The following NRXN3 variants were observed in gnomAD, a reference collection of about 807,000 sequenced individuals.
NRXN3 encodes the protein neurexin 3.
Under a neutral mutation model 137.6 loss-of-function variants are expected in NRXN3, and 32 were observed. The ratio of observed to expected loss-of-function variants is 0.23; its 90% CI spans 0.18 to 0.31. The LOEUF (loss-of-function observed/expected upper bound fraction) is 0.31, where lower values mean the gene tolerates loss of function less well. Ranked by LOEUF, NRXN3 falls within the 10% of genes least tolerant of loss-of-function variation. NRXN3 has a pLI of 1.00. For synonymous variants in NRXN3, 798 were observed against 784.5 expected, an observed-to-expected ratio of 1.02 and a Z score of -0.29; for missense variants, 1,574 against 2,062.5, an observed-to-expected ratio of 0.76 and a Z score of 4.59.
At chr14:79,835,605 T>C (rs953389965) in intron 20 of NRXN3, among the ~76,000 whole-genome samples, 5 of 152,162 alleles carry the variant, frequency 3.3e-5, no homozygotes, top group African/African-American at 1.2e-4. Flanking sequence ...TTTGGCAGTC[T>C]TTGTTTCCAG....
chr14:79,708,185 T>C (rs940464400), intron 19 of NRXN3, among the ~76,000 whole-genome samples: 4 of 152,182 alleles, frequency 2.6e-5, no homozygotes, highest in Admixed American at 6.5e-5. Context: ...GTACTGAACA[T>C]GTACAGACTT....
intron 15 of NRXN3, among the ~76,000 whole-genome samples, chr14:79,042,147 T>C (rs2152536678): frequency 6.6e-6 from 1 of 152,300 alleles, no homozygotes; most frequent in East Asian, 1.9e-4. Context: ...GGGTAGCTGC[T>C]CTTTGAAAGA....
At position 78,491,098 on chromosome 14, in the gene NRXN3, C is replaced by T. The variant is rs554547785; in HGVS notation, c.758-154022C>T. On this transcript the variant is annotated intron_variant, in intron 4 of 20. Coordinates refer to ENST00000335750, the MANE Select transcript of NRXN3 (RefSeq NM_001330195.2). ...TCCCCTTGGACCTGCTGCTGCCGGT[C>T]GGCTGGGAAGAGTTATAAAGAAGAA... is the stretch of plus-strand genomic sequence containing the variant. 3.3e-5 allele frequency among the ~76,000 whole-genome samples: 5 copies of T among 152,178 alleles called. No homozygotes were observed. The East Asian group carries it at 5.8e-4, about 18-fold the overall frequency.
At chr14:79,634,278 G>A (rs903852457) in intron 16 of NRXN3, among the ~76,000 whole-genome samples, 3 of 151,866 alleles carry the variant, frequency 2.0e-5, no homozygotes, top group Non-Finnish European at 2.9e-5. Context: ...GTCGAGAGAC[G>A]GGCTAGTCCA....
intron 20 of NRXN3, among the ~76,000 whole-genome samples, chr14:79,858,425 G>A (rs2099407374): frequency 6.6e-6 from 1 of 151,994 alleles, no homozygotes; most frequent in Non-Finnish European, 1.5e-5. Flanking sequence ...CCACTTAAAG[G>A]GACACTAGCC....
intron 16 of NRXN3, among the ~76,000 whole-genome samples, chr14:79,611,250 G>C (rs761037570): frequency 2.0e-5 from 3 of 152,192 alleles, no homozygotes; most frequent in Non-Finnish European, 4.4e-5. Context: ...TGTTAAGTGA[G>C]AAAGGTAAGG....
At chr14:79,828,016 CG>C in intron 20 of NRXN3, among the ~76,000 whole-genome samples, 1 of 152,112 alleles carries the variant, frequency 6.6e-6, no homozygotes, top group Middle Eastern at 3.4e-3. Context: ...TTTATATGAC[CG>C]GATCTCACTG....
chr14:79,354,561 T>A (rs186429392), intron 15 of NRXN3, among the ~76,000 whole-genome samples: 17 of 152,306 alleles, frequency 1.1e-4, no homozygotes, highest in African/African-American at 4.1e-4. Flanking sequence ...CATGCCTGTA[T>A]GCATGTACAT....
chr14:78,918,214 G>C (rs2152812555), intron 10 of NRXN3, among the ~76,000 whole-genome samples: 1 of 147,460 alleles, frequency 6.8e-6, no homozygotes, highest in Non-Finnish European at 1.5e-5. Context: ...GAACCTGGGA[G>C]GCAGAGGTTG....
intron 16 of NRXN3, among the ~76,000 whole-genome samples, chr14:79,577,619 G>A (rs1441617601): frequency 6.6e-6 from 1 of 152,164 alleles, no homozygotes; most frequent in Non-Finnish European, 1.5e-5. Context: ...ATGTATATGT[G>A]TGTGTTTGCA....
At chr14:79,189,596 C>T (rs1376381870) in intron 15 of NRXN3, among the ~76,000 whole-genome samples, 1 of 151,768 alleles carries the variant, frequency 6.6e-6, no homozygotes, top group Non-Finnish European at 1.5e-5. Context: ...TTTCACTGTT[C>T]TGCCCAACAC....
intron 15 of NRXN3, among the ~76,000 whole-genome samples, chr14:79,041,329 G>A (rs1288796739): frequency 6.6e-6 from 1 of 152,152 alleles, no homozygotes; most frequent in Non-Finnish European, 1.5e-5. Context: ...CATAGAGATA[G>A]TAGCTGAGTT....
chr14:79,094,977 A>AGTGTGTGTGTGTGTGTGTGT (rs1409965478), intron 15 of NRXN3, among the ~76,000 whole-genome samples: 1 of 99,526 alleles, frequency 1.0e-5, no homozygotes, highest in African/African-American at 3.2e-5. Flanking sequence ...AGAGAGAGAG[A>AGTGTGTGTGTGTGTGTGTGT]GAGTGTGTGT....
intron 1 of NRXN3, among the ~76,000 whole-genome samples, chr14:78,204,306 G>A (rs2153400575): frequency 6.6e-6 from 1 of 152,030 alleles, no homozygotes; most frequent in African/African-American, 2.4e-5. Context: ...GCACGAGCAT[G>A]TATGAATGGG....
chr14:78,966,166 T>C lies in NRXN3; in HGVS notation c.2537T>C (p.Ile846Thr), dbSNP rs1942641616. ...QSLMFNGLLY[I>T]DLCKNGDIDY... ...CTCATGTTTAATGGCCTTCTCTACA[T>C]TGACTTGTGCAAAAATGGTGACATT... Residue 846 changes from isoleucine to threonine, a missense_variant, in exon 12 of 21, where the codon ATT becomes ACT. Ile to Thr is a moderately conservative substitution (Grantham distance 89, BLOSUM62 -1). This residue lies in a region of NRXN3 where 718 missense variants were observed against 887.6 expected (regional missense o/e 0.81). Coordinates refer to ENST00000335750, the MANE Select transcript of NRXN3 (RefSeq NM_001330195.2). The C allele has an allele frequency of 3.1e-6, 5 of 1,614,206 alleles. No individual in the cohort carries two copies. The highest frequency in any genetic ancestry group is 2.5e-6 in the Non-Finnish European group (3 of 1,180,030).
intron 16 of NRXN3, among the ~76,000 whole-genome samples, chr14:79,490,518 TA>T (rs1228477840): frequency 1.3e-5 from 2 of 152,174 alleles, no homozygotes; most frequent in Non-Finnish European, 2.9e-5. Flanking sequence ...TTTGCAATCA[TA>T]TGGCTGGAAC....
At chr14:78,171,206 G>T (rs1220528893) in intron 1 of NRXN3, among the ~76,000 whole-genome samples, 1 of 146,050 alleles carries the variant, frequency 6.8e-6, no homozygotes, top group African/African-American at 2.5e-5. Flanking sequence ...ACGTGTATGT[G>T]AGTGTGTGTG....
At chr14:79,402,363 A>G (rs1440973114) in intron 15 of NRXN3, among the ~76,000 whole-genome samples, 1 of 152,264 alleles carries the variant, frequency 6.6e-6, no homozygotes, top group African/African-American at 2.4e-5. Flanking sequence ...ATGCATATTC[A>G]TAATAAAAAT....
intron 2 of NRXN3, among the ~76,000 whole-genome samples, chr14:78,270,701 C>A (rs868700451): frequency 6.6e-6 from 1 of 152,284 alleles, no homozygotes; most frequent in Middle Eastern, 3.4e-3. Context: ...TTACTATGTG[C>A]CTGGCATTGT....
Sources: gnomAD v4.1 joint callset for allele counts (sites outside exome capture counted in the v4.1 genomes callset) on GRCh38, gnomAD v4.1.1 for gene constraint, gnomAD v4.1.1 regional missense constraint, MANE v1.5 for transcripts, NCBI Gene and HGNC (gene_info 2026-07-23, HGNC 2026-07-21) for gene names.